The following CTNNA1 variants were observed in gnomAD, a reference collection of about 807,000 sequenced individuals.
The protein encoded by CTNNA1 is catenin alpha 1, also known as catenin alpha-1.
A neutral mutation model predicts 98.4 loss-of-function variants in CTNNA1; 37 were observed. That is an observed-to-expected ratio of 0.38 (90% CI 0.29 to 0.49). The LOEUF is 0.49. Among genes scored for constraint, CTNNA1 ranks in the 20% least tolerant of loss-of-function variants. The pLI is 0.95. For synonymous variants in CTNNA1, 404 were observed against 413.2 expected (o/e 0.98, Z 0.27); for missense variants, 761 against 1,147.2 (o/e 0.66, Z 4.86).
At chr5:138,764,868 CTTTTTTTTTT>C (rs35354499) in intron 1 of CTNNA1, among the ~76,000 whole-genome samples, 9 of 84,940 alleles carry the variant, frequency 1.1e-4, no homozygotes, top group Admixed American at 8.5e-4. Flanking sequence ...GTATCTCTCT[CTTTTTTTTTT>C]TTTTTTTTTT....
chr5:138,922,382 G>T (rs1159581836), intron 11 of CTNNA1, among the ~76,000 whole-genome samples: 1 of 152,188 alleles, frequency 6.6e-6, no homozygotes, highest in Non-Finnish European at 1.5e-5. Flanking sequence ...CATTAAAATG[G>T]ATGAGGTAGA....
intron 10 of CTNNA1, among the ~76,000 whole-genome samples, chr5:138,912,653 C>T (rs1033503140): frequency 6.6e-6 from 1 of 152,186 alleles, no homozygotes; most frequent in Non-Finnish European, 1.5e-5. Flanking sequence ...TGTACTGGGG[C>T]TCAAGCCAAC....
chr5:138,787,698 T>C (rs138894554), intron 3 of CTNNA1, among the ~76,000 whole-genome samples: 2,534 of 152,340 alleles, frequency 0.017, 78 homozygotes, highest in African/African-American at 0.057. Context: ...GGTTTGTACA[T>C]GTCCATTGCT....
chr5:138,929,453 C>T (rs1580897910), intron 14 of CTNNA1, 97 bp downstream of exon 14: 9 of 663,588 alleles, frequency 1.4e-5, no homozygotes, highest in East Asian at 8.0e-5. Flanking sequence ...TTCAGAACAC[C>T]GTTTCTCTCT....
At chr5:138,784,260 A>T (rs1285915256) in intron 3 of CTNNA1, among the ~76,000 whole-genome samples, 1 of 152,144 alleles carries the variant, frequency 6.6e-6, no homozygotes, top group Non-Finnish European at 1.5e-5. Flanking sequence ...TTCAACAATG[A>T]TGTAGGTTTT....
Position 138,810,194 on chromosome 5 carries a change from A to G in CTNNA1, c.458A>G (p.Gln153Arg). The G allele has an allele frequency of 1.2e-6, 2 of 1,613,980 alleles. No homozygotes were observed. Among genetic ancestry groups the G allele is most frequent in the Non-Finnish European group, 1.7e-6 (2 of 1,179,822 alleles). The change falls in exon 4 of 18, where the codon CAG becomes CGG. Residue 153 changes from glutamine to arginine, a missense_variant. Coordinates refer to ENST00000302763, the MANE Select transcript of CTNNA1 (RefSeq NM_001903.5). ...DMADVYKLLV[Q>R]LKVVEDGILK... is the part of the protein sequence containing the mutation. ...GCAGATGTCTACAAATTACTTGTTC[A>G]GCTGAAAGTTGTAAGTATACAGGCC...
Position 138,800,820 on chromosome 5 carries a change from C to T in CTNNA1, c.302-9218C>T, listed in dbSNP as rs576616426. The stretch of plus-strand genomic sequence containing the variant: ...CTCCGTCTAAAAAAAAAAAGTGCAA[C>T]AGAAGGGTGGGCACGGTGGCTCATG... On this transcript the variant is annotated intron_variant, in intron 3 of 17. Coordinates refer to ENST00000302763, the MANE Select transcript of CTNNA1 (RefSeq NM_001903.5). 6.7e-4 allele frequency among the ~76,000 whole-genome samples: 102 copies of T among 152,008 alleles called. 1 individual carries two copies. Among genetic ancestry groups the T allele is most frequent in the African/African-American group, 2.3e-3 (97 of 41,460 alleles).
chr5:138,886,099 GTTTAAGAAGTTGTACTGCTT>G, intron 7 of CTNNA1, 93 bp from the exon 8 acceptor site: 1 of 1,205,242 alleles, frequency 8.3e-7, no homozygotes, highest in Non-Finnish European at 1.1e-6. Flanking sequence ...CCAACTTTGA[GTTTAAGAAGTTGTACTGCTT>G]TTTCAGTGTT....
intron 7 of CTNNA1, among the ~76,000 whole-genome samples, chr5:138,863,844 T>C (rs764669436): frequency 6.6e-5 from 10 of 152,232 alleles, no homozygotes; most frequent in Non-Finnish European, 1.2e-4. Context: ...TGGGTACTGC[T>C]GATTGATTGG....
chr5:138,846,768 A>T (rs1848506), intron 7 of CTNNA1, among the ~76,000 whole-genome samples: 98,808 of 152,014 alleles, frequency 0.65, 32,884 homozygotes, highest in East Asian at 0.93. Context: ...TTAAAAAAAA[A>T]CCCCTCAAAT....
chr5:138,803,794 C>T (rs1757813930), intron 3 of CTNNA1, among the ~76,000 whole-genome samples: 1 of 152,150 alleles, frequency 6.6e-6, no homozygotes, highest in South Asian at 2.1e-4. Flanking sequence ...GTCACTGCCC[C>T]CGACCCTACT....
At chr5:138,834,784 A>G (rs1761613466) in intron 7 of CTNNA1, among the ~76,000 whole-genome samples, 1 of 152,210 alleles carries the variant, frequency 6.6e-6, no homozygotes. Flanking sequence ...GTGGAATGTC[A>G]CTTGCCTCTG....
At chr5:138,800,727 T>C (rs571820901) in intron 3 of CTNNA1, among the ~76,000 whole-genome samples, 3 of 151,946 alleles carry the variant, frequency 2.0e-5, no homozygotes, top group Non-Finnish European at 2.9e-5. Flanking sequence ...CACTTGAACC[T>C]GGGAGACGGA....
intron 7 of CTNNA1, among the ~76,000 whole-genome samples, chr5:138,866,596 G>A (rs1764808490): frequency 6.6e-6 from 1 of 152,096 alleles, no homozygotes; most frequent in East Asian, 1.9e-4. Context: ...GATTTCTATT[G>A]GGAGTTCCTG....
intron 1 of CTNNA1, chr5:138,754,287 A>T (rs1184042924): frequency 6.8e-6 from 1 of 147,864 alleles, no homozygotes; most frequent in African/African-American, 2.5e-5. Context: ...TGTGCGTGCG[A>T]GTGTGAAGCA....
intron 7 of CTNNA1, among the ~76,000 whole-genome samples, chr5:138,835,720 A>G (rs560154314): frequency 6.6e-6 from 1 of 152,312 alleles, no homozygotes; most frequent in East Asian, 1.9e-4. Flanking sequence ...CAGTGAAGCC[A>G]TTTAACATAT....
chr5:138,812,338 C>A (rs1322795682), intron 5 of CTNNA1, 36 bp downstream of exon 5: 2 of 1,593,348 alleles, frequency 1.3e-6, no homozygotes, highest in Non-Finnish European at 8.5e-7. Context: ...TAAAGTTGTT[C>A]ATTTTACTAT....
chr5:138,813,819 A>G (rs1042488011), intron 5 of CTNNA1, among the ~76,000 whole-genome samples: 2 of 152,028 alleles, frequency 1.3e-5, no homozygotes, highest in African/African-American at 4.8e-5. Flanking sequence ...GGATTTTGTC[A>G]TGTTGCCAGG....
chr5:138,832,079 A>G (rs1476490681), intron 7 of CTNNA1, among the ~76,000 whole-genome samples: 2 of 152,208 alleles, frequency 1.3e-5, no homozygotes, highest in Non-Finnish European at 2.9e-5. Flanking sequence ...TGGAATAAGC[A>G]ATTAAGTGAA....
Sources: gnomAD v4.1 joint callset for allele counts (sites outside exome capture counted in the v4.1 genomes callset) on GRCh38, gnomAD v4.1.1 for gene constraint, MANE v1.5 for transcripts, NCBI Gene and HGNC (gene_info 2026-07-23, HGNC 2026-07-21) for gene names.